SIN3A: variants seen among roughly 807,000 people sequenced by gnomAD.
SIN3A encodes SIN3 transcription regulator family member A.
A neutral mutation model predicts 146.1 loss-of-function variants in SIN3A; 14 were observed. The ratio of observed to expected loss-of-function variants is 0.10; its 90% CI spans 0.06 to 0.15. SIN3A has a LOEUF of 0.15. Among genes scored for constraint, SIN3A ranks in the 10% least tolerant of loss-of-function variants. The pLI is 1.00. For missense variants in SIN3A, 1,028 were observed against 1,576.0 expected (o/e 0.65, Z 5.89); for synonymous variants, 572 against 572.0 (o/e 1.00, Z 0.00).
At chr15:75,454,017 G>A (rs753283720), upstream of SIN3A, 2 of 152,276 alleles carry the variant, frequency 1.3e-5, no homozygotes, top group Non-Finnish European at 2.9e-5. Flanking sequence ...GCGCTCAAGA[G>A]CGGAGGGAGG....
Position 75,423,704 on chromosome 15 carries a change from A to G in SIN3A, c.190-881T>C, listed in dbSNP as rs141471393. 4.3e-4 allele frequency among the ~76,000 whole-genome samples: 66 copies of G among 152,082 alleles called. No homozygotes were observed. In the Middle Eastern group the frequency reaches 0.01, roughly 24 times the overall value. ...AAAACAAACAAACAAAAAAATATAT[A>G]TATAGTTTAGCTGGGAACAGTGTCT... is the stretch of plus-strand genomic sequence containing the variant. On this transcript the variant is annotated intron_variant, in intron 2 of 20. Transcript: ENST00000394947.
rs758598147 is a variant in SIN3A, at chr15:75,413,050, T to C, written c.474-5A>G. ...ATCACTCCTGGGGTGTCGATGCTGA[T>C]AAAAAACAAAAAGAAAAGTGATAAA... On this transcript the variant is annotated splice_region_variant and splice_polypyrimidine_tract_variant and intron_variant, in intron 4 of 20. Coordinates refer to ENST00000394947, the MANE Select transcript of SIN3A (RefSeq NM_001145358.2). 6.3e-7 allele frequency: 1 copy of C among 1,585,072 alleles called. No homozygotes were observed. The highest frequency in any genetic ancestry group is 8.5e-7 in the Non-Finnish European group (1 of 1,171,314).
chr15:75,428,665 A>T (rs2073965624), intron 2 of SIN3A, among the ~76,000 whole-genome samples: 1 of 151,982 alleles, frequency 6.6e-6, no homozygotes, highest in Non-Finnish European at 1.5e-5. Context: ...ACGCCCTGCT[A>T]ATCTTTATTT....
intron 1 of SIN3A, among the ~76,000 whole-genome samples, chr15:75,446,941 C>T (rs2074318715): frequency 6.6e-6 from 1 of 152,016 alleles, no homozygotes; most frequent in Admixed American, 6.6e-5. Flanking sequence ...GCCCGGCTAA[C>T]TCTTTTGTAT....
At chr15:75,406,470 G>A (rs980894249) in intron 9 of SIN3A, among the ~76,000 whole-genome samples, 9 of 152,122 alleles carry the variant, frequency 5.9e-5, no homozygotes, top group Non-Finnish European at 1.2e-4. Flanking sequence ...GGCGGATCAC[G>A]AGGTCAGGAG....
At chr15:75,396,140 T>C (rs1361697407) in intron 13 of SIN3A, 118 bp downstream of exon 13, 7 of 750,694 alleles carry the variant, frequency 9.3e-6, no homozygotes, top group Middle Eastern at 2.4e-4. Context: ...ACAACCAGGG[T>C]TGGGGAGAAA....
At chr15:75,389,887 G>A (rs1203191474) in intron 15 of SIN3A, 66 bp from the exon 16 acceptor site, 1 of 1,499,050 alleles carries the variant, frequency 6.7e-7, no homozygotes, top group Non-Finnish European at 9.2e-7. Context: ...AGAGTACAGG[G>A]CAAATCCCAC....
At chr15:75,430,562 T>C (rs1272501676) in intron 1 of SIN3A, among the ~76,000 whole-genome samples, 154 bp from the exon 2 acceptor site, 2 of 152,120 alleles carry the variant, frequency 1.3e-5, no homozygotes, top group Admixed American at 6.6e-5. Context: ...CATGTGGGCA[T>C]ACCACCCCCC....
At chr15:75,449,673 G>A (rs1010259242) in intron 1 of SIN3A, among the ~76,000 whole-genome samples, 2 of 152,188 alleles carry the variant, frequency 1.3e-5, no homozygotes, top group African/African-American at 2.4e-5. Context: ...ACTATGTAGA[G>A]TATAAATAGA....
At chr15:75,391,503 A>AG (rs2073199638) in intron 15 of SIN3A, among the ~76,000 whole-genome samples, 1 of 59,970 alleles carries the variant, frequency 1.7e-5, no homozygotes, top group Middle Eastern at 0.012. Context: ...AGCAACACAT[A>AG]AAAAAAAAAA....
rs752842414 is a variant in SIN3A at position 75,371,964 on chromosome 15, G to A, written c.*15C>T. 13 of 1,609,080 alleles carry A rather than the reference G, an allele frequency of 8.1e-6. No individual in the cohort carries two copies. The East Asian group carries it at 2.7e-4, about 33-fold the overall frequency. On this transcript the variant is annotated 3_prime_UTR_variant, in exon 21 of 21. Transcript: ENST00000394947. ...TCCCCACACACACCCCAAGTTATCTGCTCTGGCTTTGCAGTTAAGGGGCTT... is the reference window on the plus strand; with the variant it reads ...TCCCCACACACACCCCAAGTTATCTACTCTGGCTTTGCAGTTAAGGGGCTT...
At chr15:75,425,640 A>G (rs548280673) in intron 2 of SIN3A, among the ~76,000 whole-genome samples, 27 of 152,292 alleles carry the variant, frequency 1.8e-4, no homozygotes, top group Admixed American at 1.5e-3. Context: ...AGCCAAAACT[A>G]CTTTCCTTCT....
At chr15:75,451,021 C>T (rs1054195456) in intron 1 of SIN3A, among the ~76,000 whole-genome samples, 2 of 151,628 alleles carry the variant, frequency 1.3e-5, no homozygotes, top group African/African-American at 4.8e-5. Context: ...AGACCCCCCC[C>T]TACCCCTCCC....
intron 3 of SIN3A, among the ~76,000 whole-genome samples, chr15:75,418,292 C>T (rs952469196): frequency 2.7e-5 from 4 of 150,756 alleles, no homozygotes; most frequent in East Asian, 2.0e-4. Flanking sequence ...GGCCTCCCAA[C>T]GTGCTGGGAT....
chr15:75,401,027 C>G, intron 10 of SIN3A, 87 bp from the exon 11 acceptor site: 2 of 862,528 alleles, frequency 2.3e-6, no homozygotes, highest in Non-Finnish European at 3.7e-6. Context: ...GGTTTTGGAT[C>G]AGAAATCTGC....
At chr15:75,437,120 T>G (rs1158903714) in intron 1 of SIN3A, among the ~76,000 whole-genome samples, 3 of 151,590 alleles carry the variant, frequency 2.0e-5, no homozygotes, top group Non-Finnish European at 2.9e-5. Context: ...CATGTATGAC[T>G]GCTATCAGCT....
intron 19 of SIN3A, 125 bp from the exon 20 acceptor site, chr15:75,375,997 CA>C (rs2072848470): frequency 8.6e-6 from 8 of 933,378 alleles, no homozygotes; most frequent in South Asian, 3.1e-5. Context: ...AATACATACA[CA>C]AATGTTCAGT....
intron 1 of SIN3A, among the ~76,000 whole-genome samples, chr15:75,449,138 T>G (rs1241260828): frequency 6.6e-6 from 1 of 152,220 alleles, no homozygotes; most frequent in East Asian, 1.9e-4. Flanking sequence ...TCCTCAATGG[T>G]CAATCGTTCT....
At chr15:75,389,899 G>T in intron 15 of SIN3A, 78 bp from the exon 16 acceptor site, 1 of 1,411,898 alleles carries the variant, frequency 7.1e-7, no homozygotes, top group Non-Finnish European at 9.8e-7. Flanking sequence ...AAATCCCACA[G>T]CTGGCCTAAA....
Sources: allele counts gnomAD v4.1 joint callset (sites outside exome capture counted in the v4.1 genomes callset), GRCh38; gene constraint gnomAD v4.1.1; transcripts MANE v1.5; gene names NCBI Gene and HGNC (gene_info 2026-07-23, HGNC 2026-07-21).